Variants in CSNK1G1 observed in about 807,000 individuals in gnomAD.
The protein encoded by CSNK1G1 is casein kinase I isoform gamma-1.
CSNK1G1 carries 22 observed loss-of-function variants against 59.6 expected under a neutral mutation model. The observed-to-expected ratio is 0.37, with a 90% confidence interval of 0.26 to 0.53. CSNK1G1 has a LOEUF of 0.53. CSNK1G1 is among the 20% of genes least tolerant of loss of function. CSNK1G1 has a pLI of 0.89. For missense variants in CSNK1G1, 384 were observed against 519.5 expected, an observed-to-expected ratio of 0.74 and a Z score of 2.54; for synonymous variants, 179 against 177.1, an observed-to-expected ratio of 1.01 and a Z score of -0.08.
At chr15:64,255,175 C>T (rs555447375) in intron 3 of CSNK1G1, among the ~76,000 whole-genome samples, 1 of 152,278 alleles carries the variant, frequency 6.6e-6, no homozygotes, top group South Asian at 2.1e-4. Flanking sequence ...CTCCCGGGTT[C>T]AAGCAATTCT....
intron 10 of CSNK1G1, 130 bp downstream of exon 10, chr15:64,202,952 T>C: frequency 2.8e-6 from 2 of 723,544 alleles, no homozygotes; most frequent in East Asian, 2.8e-5. Context: ...ATACCACACC[T>C]GTAAGAAATG....
rs146804788 is a variant in CSNK1G1, at chr15:64,352,238, G to A, written c.-225+3750C>T. Among the ~76,000 whole-genome samples, 1,279 of 151,724 alleles carry A rather than the reference G, an allele frequency of 8.4e-3. 19 individuals carry two copies. The highest frequency in any genetic ancestry group is 0.029 in the African/African-American group (1,193 of 41,410). ...GTAGAATTGCTTGAACCCGGGAGGC[G>A]GAGGTTGCAGTGAGCCAAGATAGTG... On this transcript the variant is annotated intron_variant, in intron 1 of 11. Transcript: ENST00000303052.
chr15:64,329,169 C>T (rs932754919), intron 1 of CSNK1G1, among the ~76,000 whole-genome samples: 4 of 151,952 alleles, frequency 2.6e-5, no homozygotes, highest in East Asian at 1.9e-4. Context: ...CTGCACCAAG[C>T]GGACCTAACA....
At chr15:64,267,244 G>A (rs1182285456) in intron 2 of CSNK1G1, among the ~76,000 whole-genome samples, 14 of 131,430 alleles carry the variant, frequency 1.1e-4, no homozygotes, top group East Asian at 4.3e-4. Flanking sequence ...GAGACAAAGC[G>A]AGACCTTATC....
Position 64,233,419 on chromosome 15 carries a change from T to C in CSNK1G1, c.293-16706A>G, listed in dbSNP as rs1381227911. On this transcript the variant is annotated intron_variant, in intron 4 of 11. Transcript: ENST00000303052. ...GCAAAATTCTCTAAAATTTTATAAA[T>C]GTAATTAAAGGCAATTACTCTATGT... is the stretch of plus-strand genomic sequence containing the variant. Among the ~76,000 whole-genome samples, 4 of 152,282 alleles carry C rather than the reference T, an allele frequency of 2.6e-5. No individual in the cohort carries two copies. In the East Asian group the frequency reaches 5.8e-4, roughly 22 times the overall value.
At chr15:64,333,567 C>G (rs1897232928) in intron 1 of CSNK1G1, among the ~76,000 whole-genome samples, 1 of 150,638 alleles carries the variant, frequency 6.6e-6, no homozygotes, top group Admixed American at 6.6e-5. Flanking sequence ...AACATGATGA[C>G]TAAAGCAGTA....
intron 2 of CSNK1G1, among the ~76,000 whole-genome samples, chr15:64,300,077 T>C (rs577919554): frequency 2.4e-4 from 37 of 152,282 alleles, no homozygotes; most frequent in Middle Eastern, 3.4e-3. Context: ...TCTATGTTCA[T>C]CAGAAAATCT....
At chr15:64,354,863 C>T (rs1898554817) in intron 1 of CSNK1G1, among the ~76,000 whole-genome samples, 2 of 152,134 alleles carry the variant, frequency 1.3e-5, no homozygotes, top group Admixed American at 1.3e-4. Flanking sequence ...AGGTTCAACC[C>T]AAGATTTATC....
At chr15:64,277,764 TATTGATATATTTAATAATATATTAA>T in intron 2 of CSNK1G1, among the ~76,000 whole-genome samples, 1 of 130,390 alleles carries the variant, frequency 7.7e-6, no homozygotes, top group Admixed American at 8.7e-5. Flanking sequence ...AATATAGCAA[TATTGATATATTTAATAATATATTAA>T]TATTGATATA....
Position 64,168,258 on chromosome 15 carries a change from C to A in CSNK1G1, c.*3673G>T, listed in dbSNP as rs1441225971. ...TAGACCCTGTTTATTGCTGGACAGGCTCCATAATAGCAGAAGAATGTTAAT... is the reference window on the plus strand; with the variant it reads ...TAGACCCTGTTTATTGCTGGACAGGATCCATAATAGCAGAAGAATGTTAAT... On this transcript the variant is annotated 3_prime_UTR_variant, in exon 12 of 12. Coordinates refer to ENST00000303052, the MANE Select transcript of CSNK1G1 (RefSeq NM_022048.5). The A allele has an allele frequency of 6.6e-6, 1 of 152,616 alleles. No individual in the cohort carries two copies. Among genetic ancestry groups the A allele is most frequent in the African/African-American group, 2.4e-5 (1 of 41,424 alleles). 9.5% of individuals were successfully genotyped at this position (152,616 alleles called of 1,614,324 possible).
At chr15:64,303,367 C>A (rs908317784) in intron 1 of CSNK1G1, among the ~76,000 whole-genome samples, 3 of 148,960 alleles carry the variant, frequency 2.0e-5, no homozygotes, top group Non-Finnish European at 3.0e-5. Flanking sequence ...GTAATCCCAG[C>A]ACTTTGGGAG....
chr15:64,229,703 T>C (rs1203381289), intron 4 of CSNK1G1, among the ~76,000 whole-genome samples: 1 of 151,978 alleles, frequency 6.6e-6, no homozygotes, highest in African/African-American at 2.4e-5. Context: ...CCAAGGACAT[T>C]ATTAGTCCTG....
rs59451869 is a variant in CSNK1G1, at chr15:64,333,433, C to CA, written c.-225+22554dup. On this transcript the variant is annotated intron_variant, in intron 1 of 11. Transcript: ENST00000303052. ...TGGGCAACACAGTGAGACACCATCT[C>CA]AAAAAAAAAAAAAAAAAAAAAAAAA... 6.2e-3 allele frequency among the ~76,000 whole-genome samples: 144 copies of CA among 23,078 alleles called. 54 individuals are homozygous for CA. The highest frequency in any genetic ancestry group is 0.027 in the African/African-American group (114 of 4,148). The allele number at this position is 23,078 out of a possible 152,430, so 15.1% of individuals were successfully genotyped here. A position where few individuals can be genotyped will look rare whatever the true frequency, so the allele number is the denominator to read the frequency against.
intron 7 of CSNK1G1, among the ~76,000 whole-genome samples, chr15:64,206,637 G>C (rs947289946): frequency 7.1e-6 from 1 of 141,664 alleles, no homozygotes; most frequent in Non-Finnish European, 1.5e-5. Flanking sequence ...GATACTAATG[G>C]GACTTACAAT....
chr15:64,274,818 A>G (rs1043772233), intron 2 of CSNK1G1, among the ~76,000 whole-genome samples: 1 of 152,158 alleles, frequency 6.6e-6, no homozygotes, highest in Non-Finnish European at 1.5e-5. Flanking sequence ...TGATAAAGGA[A>G]CATACAGTCT....
intron 1 of CSNK1G1, among the ~76,000 whole-genome samples, chr15:64,353,470 C>T (rs949541888): frequency 3.3e-5 from 5 of 151,938 alleles, no homozygotes; most frequent in South Asian, 4.2e-4. Flanking sequence ...CATGATGACA[C>T]TTCGTCTCTA....
intron 10 of CSNK1G1, among the ~76,000 whole-genome samples, chr15:64,201,705 C>CGTGTGTGTGT (rs1567370144): frequency 4.8e-5 from 5 of 104,140 alleles, no homozygotes; most frequent in Admixed American, 1.1e-4. Context: ...CTCCATTGGA[C>CGTGTGTGTGT]ATGTGTGTGT....
intron 1 of CSNK1G1, among the ~76,000 whole-genome samples, chr15:64,308,766 A>G (rs1295363416): frequency 6.6e-6 from 1 of 152,034 alleles, no homozygotes; most frequent in Non-Finnish European, 1.5e-5. Context: ...TCGTGGTGAC[A>G]GGCATCTGTA....
At position 64,171,711 on chromosome 15, in the gene CSNK1G1, T is replaced by C; in HGVS notation, c.*220A>G. 1 of 589,220 alleles carries C rather than the reference T, an allele frequency of 1.7e-6. No individual in the cohort carries two copies. 36.5% of individuals were successfully genotyped at this position (589,220 alleles called of 1,614,324 possible). A position where few individuals can be genotyped will look rare whatever the true frequency, so the allele number is the denominator to read the frequency against. On this transcript the variant is annotated 3_prime_UTR_variant, in exon 12 of 12. Transcript: ENST00000303052. The surrounding 1 kb of genome is among the most constrained non-coding windows in gnomAD (Gnocchi z 4.8). ...GGGCAAGCAGTGGAGGAACAGCAGC[T>C]CTGGGACCTGCTCAGAGCCTTAGGC...
Sources: allele counts gnomAD v4.1 joint callset (sites outside exome capture counted in the v4.1 genomes callset), GRCh38; gene constraint gnomAD v4.1.1; non-coding constraint Gnocchi (gnomAD v3.1); transcripts MANE v1.5; gene names NCBI Gene and HGNC (gene_info 2026-07-23, HGNC 2026-07-21).